RXRG: variants seen among roughly 807,000 people sequenced by gnomAD.
RXRG encodes the protein retinoic acid receptor RXR-gamma.
In RXRG, 19 loss-of-function variants were observed where a neutral mutation model predicts 49.2. The observed-to-expected ratio is 0.39, with a 90% confidence interval of 0.27 to 0.57. RXRG has a LOEUF of 0.57. Ranked by LOEUF, RXRG falls within the 20% of genes least tolerant of loss-of-function variation. The pLI is 0.64. For synonymous variants in RXRG, 224 were observed against 216.6 expected, an observed-to-expected ratio of 1.03 and a Z score of -0.30; for missense variants, 452 against 592.5, an observed-to-expected ratio of 0.76 and a Z score of 2.46.
intron 2 of RXRG, chr1:165,424,916 G>T: frequency 1.0e-6 from 1 of 985,494 alleles, no homozygotes; most frequent in Non-Finnish European, 1.2e-6. Flanking sequence ...CTCGTTAACC[G>T]AGCAAAGCAT....
At chr1:165,437,703 A>G (rs1212141648) in intron 1 of RXRG, among the ~76,000 whole-genome samples, 2 of 152,196 alleles carry the variant, frequency 1.3e-5, no homozygotes, top group Non-Finnish European at 2.9e-5. Flanking sequence ...CATCTGCTTC[A>G]AACACTCATT....
chr1:165,410,514 T>C (rs1403955010), intron 6 of RXRG, among the ~76,000 whole-genome samples, 188 bp downstream of exon 6: 3 of 152,250 alleles, frequency 2.0e-5, no homozygotes, highest in East Asian at 3.8e-4. Flanking sequence ...AAAATTTGCA[T>C]GGGAAAAGAG....
intron 2 of RXRG, among the ~76,000 whole-genome samples, chr1:165,423,559 T>G (rs1411026744): frequency 6.6e-6 from 1 of 152,182 alleles, no homozygotes; most frequent in Non-Finnish European, 1.5e-5. Flanking sequence ...TGGCACAGCC[T>G]TAATCTAGCT....
chr1:165,434,296 G>GTGTGTGTT (rs1156767089), intron 1 of RXRG, among the ~76,000 whole-genome samples: 1 of 151,938 alleles, frequency 6.6e-6, no homozygotes, highest in Non-Finnish European at 1.5e-5. Flanking sequence ...GTGTGTGTGT[G>GTGTGTGTT]TGTGTGTGTG....
rs375184879 is a variant in RXRG at position 165,444,345 on chromosome 1, A to C, written c.49+500T>G. 5.0e-4 allele frequency among the ~76,000 whole-genome samples: 76 copies of C among 152,332 alleles called. 1 individual carries two copies. In the South Asian group the frequency reaches 6.6e-3, roughly 13 times the overall value. On this transcript the variant is annotated intron_variant, in intron 1 of 9. Transcript: ENST00000359842. ...AAAGCACTATGTTTTCTTTTTAAAA[A>C]TCCAATTAAAGGGAAATCTGCTTTT... is the stretch of plus-strand genomic sequence containing the variant.
intron 1 of RXRG, among the ~76,000 whole-genome samples, chr1:165,438,518 G>T (rs1457308959): frequency 2.0e-5 from 3 of 152,154 alleles, no homozygotes; most frequent in Non-Finnish European, 4.4e-5. Context: ...GCACAGAATA[G>T]ACACTCACCA....
intron 1 of RXRG, among the ~76,000 whole-genome samples, chr1:165,438,160 C>T (rs6660577): frequency 0.15 from 22,656 of 151,988 alleles, 1,747 homozygotes; most frequent in South Asian, 0.28. Context: ...CCTGGCTCAG[C>T]GATCCTCAGA....
chr1:165,419,249 T>C (rs1658230373), intron 3 of RXRG, among the ~76,000 whole-genome samples: 1 of 152,174 alleles, frequency 6.6e-6, no homozygotes. Context: ...TAGCAAGAAA[T>C]ACGCTAAAAT....
In RXRG at chr1:165,409,599, C is replaced by G. The variant is rs1235729788; in HGVS notation, c.1005G>C (p.Arg335=). Residue 335 remains arginine (R), a synonymous_variant, in exon 7 of 10, where the codon CGG becomes CGC. Coordinates refer to ENST00000359842, the MANE Select transcript of RXRG (RefSeq NM_006917.5). The part of the protein sequence containing the change: ...ILLATGLHVH[R]SSAHSAGVGS... ...CGACCCCAGCACTGTGGGCACTGCT[C>G]CGGTGGACATGTAAACCCGTGGCCA... is the stretch of plus-strand genomic sequence containing the variant. The G allele has an allele frequency of 1.9e-6, 3 of 1,569,978 alleles. No homozygotes were observed. Among genetic ancestry groups the G allele is most frequent in the Non-Finnish European group, 2.6e-6 (3 of 1,159,380 alleles).
intron 9 of RXRG, among the ~76,000 whole-genome samples, chr1:165,405,577 C>T (rs563503639): frequency 5.3e-5 from 8 of 152,342 alleles, no homozygotes; most frequent in African/African-American, 1.9e-4. Context: ...TCCACCTCTT[C>T]CCCCTTCCAT....
At position 165,417,094 on chromosome 1, in the gene RXRG, C is replaced by T. The variant is rs1383178968; in HGVS notation, c.569G>A (p.Arg190His). Residue 190 changes from arginine to histidine, a missense_variant, in exon 4 of 10, where the codon CGC becomes CAC. Physicochemically the swap from Arg to His is conservative, Grantham distance 29 (BLOSUM62 0). Coordinates refer to ENST00000359842, the MANE Select transcript of RXRG (RefSeq NM_006917.5). Reference protein sequence around the residue: ...DCLIDKRQRNRCQYCRYQKCL... With the variant: ...DCLIDKRQRNHCQYCRYQKCL... ...CTTCTGATAGCGACAGTACTGGCAG[C>T]GGTTGCGCTGACGCTTGTCAATGAG... 6.2e-7 allele frequency: 1 copy of T among 1,614,118 alleles called. No homozygotes were observed. Among genetic ancestry groups the T allele is most frequent in the Non-Finnish European group, 8.5e-7 (1 of 1,179,984 alleles).
chr1:165,424,762 G>A, intron 2 of RXRG: 1 of 985,360 alleles, frequency 1.0e-6, no homozygotes, highest in Non-Finnish European at 1.2e-6. Context: ...CGAGAACCAG[G>A]TCACAGAATG....
chr1:165,433,429 C>A (rs1658733770), intron 1 of RXRG, among the ~76,000 whole-genome samples: 2 of 152,218 alleles, frequency 1.3e-5, no homozygotes, highest in Admixed American at 6.5e-5. Flanking sequence ...TTCCCCTGTG[C>A]CCTCTTGATC....
chr1:165,412,625 T>C (rs1657993112), intron 4 of RXRG, among the ~76,000 whole-genome samples: 1 of 152,224 alleles, frequency 6.6e-6, no homozygotes, highest in Non-Finnish European at 1.5e-5. Context: ...AGTAGTTAAC[T>C]GAAATAATAT....
intron 9 of RXRG, among the ~76,000 whole-genome samples, chr1:165,405,253 T>C (rs1055061450): frequency 1.3e-4 from 20 of 152,170 alleles, no homozygotes; most frequent in African/African-American, 4.8e-4. Context: ...GAAGATTTGA[T>C]AGAAAGCATC....
Position 165,401,341 on chromosome 1 carries a change from G to A in RXRG, c.1314C>T (p.Phe438=). Residue 438 remains phenylalanine (F), a synonymous_variant, in exon 10 of 10, where the codon TTC becomes TTT. Transcript: ENST00000359842. ...SIGLKCLEHL[F]FFKLIGDTPI... is the part of the protein sequence containing the mutation. ...GGGTGTCCCCGATGAGCTTGAAGAA[G>A]AAGAGGTGCTCCAGGCATTTCAAGC... 1 of 1,614,202 alleles carries A rather than the reference G, an allele frequency of 6.2e-7. No individual in the cohort carries two copies. The highest frequency in any genetic ancestry group is 8.5e-7 in the Non-Finnish European group (1 of 1,180,046).
chr1:165,433,693 C>T (rs1224748175), intron 1 of RXRG, among the ~76,000 whole-genome samples: 1 of 152,282 alleles, frequency 6.6e-6, no homozygotes, highest in East Asian at 1.9e-4. Context: ...ACTAATGTTT[C>T]GTGAGCATTG....
intron 4 of RXRG, 104 bp downstream of exon 4, chr1:165,416,937 G>A (rs1658144389): frequency 4.6e-6 from 5 of 1,091,426 alleles, no homozygotes; most frequent in Non-Finnish European, 6.6e-6. Flanking sequence ...TGGAGATTAG[G>A]ATGACTTTGG....
chr1:165,419,138 A>G (rs1658228017), intron 3 of RXRG, among the ~76,000 whole-genome samples: 1 of 152,210 alleles, frequency 6.6e-6, no homozygotes, highest in African/African-American at 2.4e-5. Context: ...GAAAGAAGCA[A>G]GGAAAGAAAT....
Sources: allele counts gnomAD v4.1 joint callset (sites outside exome capture counted in the v4.1 genomes callset), GRCh38; gene constraint gnomAD v4.1.1; transcripts MANE v1.5; gene names NCBI Gene and HGNC (gene_info 2026-07-23, HGNC 2026-07-21).